TAF4B: variants seen among roughly 807,000 people sequenced by gnomAD.
TAF4B encodes the protein transcription initiation factor TFIID subunit 4B.
TAF4B carries 38 observed loss-of-function variants against 86.4 expected under a neutral mutation model. That is an observed-to-expected ratio of 0.44 (90% CI 0.34 to 0.58). The LOEUF (loss-of-function observed/expected upper bound fraction) is 0.58, where lower values mean the gene tolerates loss of function less well. Ranked by LOEUF, TAF4B falls within the 20% of genes least tolerant of loss-of-function variation. The pLI is 0.02. For missense variants in TAF4B, 988 were observed against 1,027.6 expected (o/e 0.96, Z 0.53); for synonymous variants, 388 against 391.2 (o/e 0.99, Z 0.10).
rs1414541014 is a variant in TAF4B, at chr18:26,390,672, A to G, written c.*660A>G. The G allele has an allele frequency of 6.6e-6, 1 of 152,184 alleles. No individual in the cohort carries two copies. The highest frequency in any genetic ancestry group is 1.5e-5 in the Non-Finnish European group (1 of 68,054). The allele number at this position is 152,184 out of a possible 1,614,324, so 9.4% of individuals were successfully genotyped here. On this transcript the variant is annotated 3_prime_UTR_variant, in exon 15 of 15. Coordinates refer to ENST00000269142, the MANE Select transcript of TAF4B (RefSeq NM_005640.3). ...TCAGGGAAACCTTAAAATTGAATCT[A>G]CTGATATATCTTGTTGAAAAAATGG...
intron 1 of TAF4B, among the ~76,000 whole-genome samples, chr18:26,243,732 G>A (rs900028751): frequency 1.2e-4 from 18 of 152,122 alleles, no homozygotes; most frequent in Admixed American, 1.1e-3. Flanking sequence ...TCTACCTTTG[G>A]TCTTTGATGA....
intron 12 of TAF4B, among the ~76,000 whole-genome samples, chr18:26,334,422 A>G (rs1194993004): frequency 6.6e-6 from 1 of 152,198 alleles, no homozygotes; most frequent in Non-Finnish European, 1.5e-5. Context: ...TAACTTTGTC[A>G]TGGTGAGAAA....
intron 1 of TAF4B, among the ~76,000 whole-genome samples, chr18:26,242,191 AG>A (rs978916269): frequency 4.5e-4 from 68 of 152,252 alleles, no homozygotes; most frequent in African/African-American, 1.5e-3. Context: ...GGGGTGTTAA[AG>A]TCTCCCATTA....
In TAF4B at chr18:26,226,597, G is replaced by T. The variant is rs2055577546; in HGVS notation, c.-337G>T. 4.5e-6 allele frequency: 1 copy of T among 224,344 alleles called. No individual in the cohort carries two copies. Among genetic ancestry groups the T allele is most frequent in the African/African-American group, 2.3e-5 (1 of 44,146 alleles). The allele number at this position is 224,344 out of a possible 1,614,324, so 13.9% of individuals were successfully genotyped here. Reference sequence around the variant, plus strand: ...CGAGGTGTGAGCGACGACCTTCCGGGAGCCGCAAGTCCAGGCTCCCCCGCA... The same window carrying T: ...CGAGGTGTGAGCGACGACCTTCCGGTAGCCGCAAGTCCAGGCTCCCCCGCA... On this transcript the variant is annotated 5_prime_UTR_variant, in exon 1 of 15. Transcript: ENST00000269142.
intron 1 of TAF4B, among the ~76,000 whole-genome samples, chr18:26,261,231 G>A (rs1271682968): frequency 7.2e-6 from 1 of 138,240 alleles, no homozygotes; most frequent in East Asian, 2.0e-4. Context: ...GCCCAGGCTG[G>A]AGTGCAGTGG....
chr18:26,363,107 G>A lies in TAF4B; in HGVS notation c.2421+5313G>A, dbSNP rs139524951. 8.9e-4 allele frequency among the ~76,000 whole-genome samples: 136 copies of A among 152,132 alleles called. 2 individuals carry two copies. The East Asian group carries it at 0.024, about 26-fold the overall frequency. Reference sequence around the variant, plus strand: ...ATCTATATCTTGGTGCCAGTCCCCCGAGGATACCAAGGGATGACTATAATG... The same window carrying A: ...ATCTATATCTTGGTGCCAGTCCCCCAAGGATACCAAGGGATGACTATAATG... On this transcript the variant is annotated intron_variant, in intron 14 of 14. Transcript: ENST00000269142.
intron 9 of TAF4B, among the ~76,000 whole-genome samples, chr18:26,308,599 G>A (rs1014282777): frequency 5.9e-5 from 9 of 152,094 alleles, no homozygotes; most frequent in African/African-American, 1.2e-4. Flanking sequence ...TAGGCCAGGC[G>A]TAGTGGCTCA....
intron 1 of TAF4B, among the ~76,000 whole-genome samples, chr18:26,233,977 C>T (rs2055710423): frequency 6.6e-6 from 1 of 152,166 alleles, no homozygotes; most frequent in South Asian, 2.1e-4. Context: ...GGGATATGGC[C>T]ATTTGATGAA....
chr18:26,310,275 CCTGGT>C (rs1568144984), intron 9 of TAF4B, among the ~76,000 whole-genome samples: 1 of 152,096 alleles, frequency 6.6e-6, no homozygotes, highest in South Asian at 2.1e-4. Flanking sequence ...ACTCCAAATC[CCTGGT>C]CTCCATCATA....
At position 26,255,603 on chromosome 18, in the gene TAF4B, C is replaced by CAAAAAAAAAAAAAAAAAAA. The variant is rs71169836; in HGVS notation, c.344-9552_344-9551insAAAAAAAAAAAAAAAAAAA. The CAAAAAAAAAAAAAAAAAAA allele has an allele frequency of 2.8e-4, 136 of 486,094 alleles. 4 individuals carry two copies. The African/African-American group carries it at 2.9e-3, about 10-fold the overall frequency. 30.1% of individuals were successfully genotyped at this position (486,094 alleles called of 1,614,324 possible). ...GACAACAAGAGCAAAACTCTGTCTC[C>CAAAAAAAAAAAAAAAAAAA]AAAAAAAAAAAAAAAGAGGGTCAGT... On this transcript the variant is annotated intron_variant, in intron 1 of 14. Coordinates refer to ENST00000269142, the MANE Select transcript of TAF4B (RefSeq NM_005640.3).
chr18:26,298,629 C>CT (rs1025092794), intron 9 of TAF4B, among the ~76,000 whole-genome samples: 5 of 152,026 alleles, frequency 3.3e-5, no homozygotes, highest in Non-Finnish European at 7.4e-5. Flanking sequence ...GACTCCTGAG[C>CT]TTAAGCGACC....
intron 9 of TAF4B, among the ~76,000 whole-genome samples, chr18:26,302,371 ATTT>A (rs66683595): frequency 6.4e-5 from 6 of 93,076 alleles, no homozygotes; most frequent in East Asian, 7.2e-4. Flanking sequence ...TTCATATTAA[ATTT>A]TTTTTTTTTT....
intron 13 of TAF4B, among the ~76,000 whole-genome samples, chr18:26,338,619 C>A (rs566931931): frequency 6.6e-6 from 1 of 151,930 alleles, no homozygotes; most frequent in South Asian, 2.1e-4. Context: ...GCTGAGATTA[C>A]AGGCATGTGC....
chr18:26,306,767 T>G (rs970396945), intron 9 of TAF4B, among the ~76,000 whole-genome samples: 1 of 150,968 alleles, frequency 6.6e-6, no homozygotes, highest in African/African-American at 2.4e-5. Flanking sequence ...ACTTCAGTTA[T>G]TTATTTATTT....
At chr18:26,349,321 T>G (rs2057225664) in intron 13 of TAF4B, among the ~76,000 whole-genome samples, 1 of 152,102 alleles carries the variant, frequency 6.6e-6, no homozygotes, top group Admixed American at 6.6e-5. Context: ...GGATTCTTAT[T>G]GACTACCAAT....
intron 1 of TAF4B, among the ~76,000 whole-genome samples, chr18:26,230,266 A>C (rs934510408): frequency 1.3e-5 from 2 of 152,198 alleles, no homozygotes; most frequent in South Asian, 4.1e-4. Flanking sequence ...TACTGTACAA[A>C]AGTGTGAAAG....
At position 26,346,759 on chromosome 18, in the gene TAF4B, GTA is replaced by G. The variant is rs1189521252; in HGVS notation, c.2317-10917_2317-10916del. 7.6e-3 allele frequency among the ~76,000 whole-genome samples: 207 copies of G among 27,136 alleles called. 26 individuals carry two copies. The highest frequency in any genetic ancestry group is 0.019 in the African/African-American group (202 of 10,790). The allele number at this position is 27,136 out of a possible 152,430, so 17.8% of individuals were successfully genotyped here. ...CAAGAATATATATATATATATGTGT[GTA>G]TATATATATATATGTGTGTGTATAT... is the stretch of plus-strand genomic sequence containing the variant. On this transcript the variant is annotated intron_variant, in intron 13 of 14. Transcript: ENST00000269142.
At chr18:26,367,611 T>C (rs189938976) in intron 14 of TAF4B, among the ~76,000 whole-genome samples, 26 of 152,300 alleles carry the variant, frequency 1.7e-4, no homozygotes, top group African/African-American at 6.3e-4. Flanking sequence ...AAAACACTCT[T>C]ATAGACACAC....
intron 13 of TAF4B, among the ~76,000 whole-genome samples, chr18:26,356,808 T>A (rs1405627859): frequency 8.0e-5 from 10 of 124,778 alleles, no homozygotes; most frequent in African/African-American, 2.3e-4. Flanking sequence ...TTTTTTTTTT[T>A]AAACAGAATA....
Sources: gnomAD v4.1 joint callset for allele counts (sites outside exome capture counted in the v4.1 genomes callset) on GRCh38, gnomAD v4.1.1 for gene constraint, MANE v1.5 for transcripts, NCBI Gene and HGNC (gene_info 2026-07-23, HGNC 2026-07-21) for gene names.